The following KCNJ16 variants were observed in gnomAD, a reference collection of about 807,000 sequenced individuals.
The protein encoded by KCNJ16 is potassium inwardly rectifying channel subfamily J member 16.
A neutral mutation model predicts 18.5 loss-of-function variants in KCNJ16; 15 were observed. That is an observed-to-expected ratio of 0.81 (90% confidence interval 0.54 to 1.25). KCNJ16 has a LOEUF of 1.25. KCNJ16 is among the 50% of genes most tolerant of loss of function. The probability of loss-of-function intolerance (pLI) is 0.00; values close to 1 mark genes in which losing one functional copy is unlikely to be tolerated. For missense variants in KCNJ16, 523 were observed against 525.7 expected (o/e 0.99, Z 0.05); for synonymous variants, 174 against 186.5 (o/e 0.93, Z 0.55).
Position 70,114,542 on chromosome 17 carries a change from T to G in KCNJ16, c.-191+13776T>G, listed in dbSNP as rs904229702. ...AAACTACATGGGAGCTACTAAAGATTAGTCATAGGTAACCTGGCATTCAGA... is the reference window on the plus strand; with the variant it reads ...AAACTACATGGGAGCTACTAAAGATGAGTCATAGGTAACCTGGCATTCAGA... On this transcript the variant is annotated intron_variant, in intron 2 of 3. Coordinates refer to ENST00000392671, the MANE Select transcript of KCNJ16 (RefSeq NM_170741.4). Among the ~76,000 whole-genome samples the G allele has an allele frequency of 3.3e-5, 5 of 152,144 alleles. No individual in the cohort carries two copies. In the South Asian group the frequency reaches 1.0e-3, roughly 32 times the overall value.
intron 2 of KCNJ16, among the ~76,000 whole-genome samples, chr17:70,102,416 CG>C (rs1461336313): frequency 6.6e-6 from 1 of 151,414 alleles, no homozygotes; most frequent in Non-Finnish European, 1.5e-5. Flanking sequence ...TTAGTAGAGA[CG>C]GGGTTTCACC....
intron 2 of KCNJ16, among the ~76,000 whole-genome samples, chr17:70,103,292 G>GA (rs377213853): frequency 0.035 from 3,176 of 91,140 alleles, 43 homozygotes; most frequent in Middle Eastern, 0.049. Context: ...ATATATGTGT[G>GA]TGTGTATATA....
At position 70,133,320 on chromosome 17, in the gene KCNJ16, A is replaced by G. The variant is rs80038873; in HGVS notation, c.1233A>G (p.Arg411=). 4,842 of 1,613,406 alleles carry G rather than the reference A, an allele frequency of 3.0e-3. 139 individuals are homozygous for G. In the African/African-American group the frequency reaches 0.057, roughly 19 times the overall value. ...PYQKALLTLN[R]ISVESQM ...AGAAAGCTCTCCTGACTTTAAACAG[A>G]ATCTCTGTAGAATCCCAAATGTAGT... The change falls in exon 4 of 4, where the codon AGA becomes AGG. Residue 411 remains arginine (R), a synonymous_variant. Transcript: ENST00000392671.
At chr17:70,086,505 T>A (rs577835465) in intron 1 of KCNJ16, among the ~76,000 whole-genome samples, 2 of 152,332 alleles carry the variant, frequency 1.3e-5, no homozygotes, top group African/African-American at 4.8e-5. Flanking sequence ...TAAGATTGTT[T>A]ACAGATCAAG....
intron 2 of KCNJ16, among the ~76,000 whole-genome samples, chr17:70,118,062 T>C (rs1245359554): frequency 6.6e-6 from 1 of 152,200 alleles, no homozygotes; most frequent in Non-Finnish European, 1.5e-5. Flanking sequence ...AGTTCAGTAA[T>C]TCAGTAGAAC....
chr17:70,089,743 T>C (rs997532635), intron 1 of KCNJ16, among the ~76,000 whole-genome samples: 4 of 152,236 alleles, frequency 2.6e-5, no homozygotes, highest in African/African-American at 7.2e-5. Flanking sequence ...TCTCTGTTTA[T>C]CAAATTTATA....
chr17:70,134,898 A>G lies in KCNJ16; in HGVS notation c.*1554A>G, dbSNP rs2074175275. 6.0e-6 allele frequency: 1 copy of G among 166,818 alleles called. No individual in the cohort carries two copies. The highest frequency in any genetic ancestry group is 2.4e-5 in the African/African-American group (1 of 41,416). 10.3% of individuals were successfully genotyped at this position (166,818 alleles called of 1,614,324 possible). A position where few individuals can be genotyped will look rare whatever the true frequency, so the allele number is the denominator to read the frequency against. On this transcript the variant is annotated 3_prime_UTR_variant, in exon 4 of 4. Transcript: ENST00000392671. ...AGAAATACAAGTAAAATATATAGGT[A>G]TAGGTAGATAGAGTGCCTTTCTGTT... is the stretch of plus-strand genomic sequence containing the variant.
At position 70,133,088 on chromosome 17, in the gene KCNJ16, T is replaced by C. The variant is rs762095838; in HGVS notation, c.1001T>C (p.Val334Ala). The C allele has an allele frequency of 1.2e-6, 2 of 1,614,118 alleles. No homozygotes were observed. Among genetic ancestry groups the C allele is most frequent in the South Asian group, 2.2e-5 (2 of 91,080 alleles). The change falls in exon 4 of 4, where the codon GTA becomes GCA. Residue 334 changes from valine to alanine, a missense_variant. Val to Ala is a moderately conservative substitution (Grantham distance 64, BLOSUM62 0). Transcript: ENST00000392671. ...NCLQFEGSVE[V>A]YAPFCSAKQL... is the part of the protein sequence containing the mutation. ...TTACAGTTTGAAGGAAGTGTGGAAG[T>C]ATATGCCCCCTTTTGCAGTGCCAAG...
At chr17:70,107,848 C>T (rs1431827228) in intron 2 of KCNJ16, among the ~76,000 whole-genome samples, 1 of 152,052 alleles carries the variant, frequency 6.6e-6, no homozygotes, top group East Asian at 1.9e-4. Context: ...AACATAAAAC[C>T]TTTAAATACT....
At chr17:70,123,849 T>C (rs2073747208) in intron 2 of KCNJ16, among the ~76,000 whole-genome samples, 1 of 152,174 alleles carries the variant, frequency 6.6e-6, no homozygotes, top group African/African-American at 2.4e-5. Flanking sequence ...ATTTCAGGTT[T>C]AGAAATGATT....
chr17:70,083,734 G>A (rs1457302373), intron 1 of KCNJ16, among the ~76,000 whole-genome samples: 2 of 152,068 alleles, frequency 1.3e-5, no homozygotes, highest in Non-Finnish European at 2.9e-5. Context: ...ACACATGACT[G>A]TATATATATC....
At chr17:70,081,724 T>A (rs973516074) in intron 1 of KCNJ16, among the ~76,000 whole-genome samples, 1 of 152,082 alleles carries the variant, frequency 6.6e-6, no homozygotes, top group Non-Finnish European at 1.5e-5. Context: ...CACAGGGGTA[T>A]AGAGCGAGCA....
rs369136157 is a variant in KCNJ16, at chr17:70,131,176, G to A, written c.-94+201G>A. 8.9e-5 allele frequency among the ~76,000 whole-genome samples: 12 copies of A among 135,122 alleles called. No homozygotes were observed. The East Asian group carries it at 1.7e-3, about 20-fold the overall frequency. The allele number at this position is 135,122 out of a possible 152,430, so 88.6% of individuals were successfully genotyped here. ...TTTTGGGACTCTATTCAGAGGGAAA[G>A]AGAAGAGCTGCCAGTGTCAAAAAAA... On this transcript the variant is annotated intron_variant, in intron 3 of 3. Transcript: ENST00000392671.
In KCNJ16 at chr17:70,135,251, A is replaced by C. The variant is rs1487943396; in HGVS notation, c.*1907A>C. 1.4e-4 allele frequency: 24 copies of C among 166,940 alleles called. No homozygotes were observed. The Admixed American group carries it at 1.6e-3, about 11-fold the overall frequency. 10.3% of individuals were successfully genotyped at this position (166,940 alleles called of 1,614,324 possible). On this transcript the variant is annotated 3_prime_UTR_variant, in exon 4 of 4. Transcript: ENST00000392671. ...TTTTACAGCAGCAATTACTTGGCTAAATTAGAGTACTGCAATCTTGTAAGT... is the reference window on the plus strand; with the variant it reads ...TTTTACAGCAGCAATTACTTGGCTACATTAGAGTACTGCAATCTTGTAAGT...
chr17:70,097,968 G>A (rs1428005274), intron 1 of KCNJ16, among the ~76,000 whole-genome samples: 1 of 152,130 alleles, frequency 6.6e-6, no homozygotes, highest in Admixed American at 6.6e-5. Flanking sequence ...GATCTTCAGT[G>A]TTTTATCTTT....
chr17:70,132,841 A>C lies in KCNJ16; in HGVS notation c.754A>C (p.Thr252Pro). ...CCAAATCATCCTGGTCACCCCGGTA[A>C]CTATTGTCCATGAAATTGACCATGA... is the stretch of plus-strand genomic sequence containing the variant. ...NDQIILVTPV[T>P]IVHEIDHESP... Residue 252 changes from threonine (T) to proline (P), a missense_variant, in exon 4 of 4, where the codon ACT (threonine) becomes CCT (proline). Thr to Pro is a conservative substitution (Grantham distance 38). Coordinates refer to ENST00000392671, the MANE Select transcript of KCNJ16 (RefSeq NM_170741.4). The C allele has an allele frequency of 6.2e-7, 1 of 1,614,074 alleles. No individual in the cohort carries two copies. Among genetic ancestry groups the C allele is most frequent in the Non-Finnish European group, 8.5e-7 (1 of 1,180,034 alleles).
intron 2 of KCNJ16, among the ~76,000 whole-genome samples, chr17:70,110,981 A>G (rs1323687910): frequency 6.6e-6 from 1 of 152,166 alleles, no homozygotes; most frequent in African/African-American, 2.4e-5. Context: ...CTGATATTAT[A>G]AGGAGAGTGA....
chr17:70,108,931 G>A (rs970219029), intron 2 of KCNJ16, among the ~76,000 whole-genome samples: 4 of 151,978 alleles, frequency 2.6e-5, no homozygotes, highest in African/African-American at 7.2e-5. Flanking sequence ...GATTCCACAC[G>A]CACGTCCTTC....
chr17:70,122,811 C>T (rs913975209), intron 2 of KCNJ16, among the ~76,000 whole-genome samples: 7 of 152,122 alleles, frequency 4.6e-5, no homozygotes, highest in African/African-American at 1.7e-4. Flanking sequence ...AACTCTGCGT[C>T]GCTTCCTCAA....
Sources: gnomAD v4.1 joint callset for allele counts (sites outside exome capture counted in the v4.1 genomes callset) on GRCh38, gnomAD v4.1.1 for gene constraint, MANE v1.5 for transcripts, NCBI Gene and HGNC (gene_info 2026-07-23, HGNC 2026-07-21) for gene names.